GAPVD1: variants seen among roughly 807,000 people sequenced by gnomAD.
The protein encoded by GAPVD1 is GTPase-activating protein and VPS9 domain-containing protein 1.
GAPVD1 carries 35 observed loss-of-function variants against 155.5 expected under a neutral mutation model. The ratio of observed to expected loss-of-function variants is 0.23; its 90% CI spans 0.17 to 0.30. The LOEUF is 0.30. GAPVD1 is among the 10% of genes least tolerant of loss of function. The pLI, the probability that GAPVD1 is intolerant of heterozygous loss-of-function variation, is 1.00. For synonymous variants in GAPVD1, 636 were observed against 619.7 expected (o/e 1.03, Z -0.39); for missense variants, 1,429 against 1,775.7 (o/e 0.80, Z 3.51).
intron 22 of GAPVD1, 84 bp downstream of exon 22, chr9:125,350,488 G>A (rs1849137476): frequency 3.4e-6 from 3 of 895,176 alleles, no homozygotes; most frequent in South Asian, 2.8e-5. Context: ...TGTTGAAGCT[G>A]TACAGCAATT....
rs1166716793 is a variant in GAPVD1, at chr9:125,263,299, ATTAG to A, written c.-199+1343_-199+1346del. 2.0e-4 allele frequency among the ~76,000 whole-genome samples: 31 copies of A among 152,332 alleles called. 1 individual carries two copies. The South Asian group carries it at 4.6e-3, about 22-fold the overall frequency. Reference sequence around the variant, plus strand: ...CCCCATCTCTACTAAAAATACAAAAATTAGTTGGGTGTGGTGGCCCATGCCTGTA... The same window carrying A: ...CCCCATCTCTACTAAAAATACAAAAATTGGGTGTGGTGGCCCATGCCTGTA... On this transcript the variant is annotated intron_variant, in intron 1 of 27. Transcript: ENST00000297933.
At chr9:125,323,725 C>G (rs1308101354) in intron 10 of GAPVD1, 73 bp from the exon 11 acceptor site, 5 of 1,427,950 alleles carry the variant, frequency 3.5e-6, no homozygotes, top group South Asian at 3.5e-5. Flanking sequence ...AGTCTTTTAT[C>G]AAGGCATGAA....
chr9:125,302,099 G>C lies in GAPVD1; in HGVS notation c.302G>C (p.Ser101Thr), dbSNP rs757438895. The C allele has an allele frequency of 6.2e-7, 1 of 1,613,756 alleles. No individual in the cohort carries two copies. Among genetic ancestry groups the C allele is most frequent in the Non-Finnish European group, 8.5e-7 (1 of 1,179,918 alleles). ...GAGACTGCTTATGGAGAATTCTTGAGTCGATTGAGGGAAAATCCTCGTCTT... is the reference window on the plus strand; with the variant it reads ...GAGACTGCTTATGGAGAATTCTTGACTCGATTGAGGGAAAATCCTCGTCTT... ...FQETAYGEFL[S>T]RLRENPRLIA... The change falls in exon 5 of 28, where the codon AGT becomes ACT. Residue 101 changes from serine to threonine, a missense_variant. Ser to Thr is a moderately conservative substitution (Grantham distance 58). Coordinates refer to ENST00000297933, the MANE Select transcript of GAPVD1 (RefSeq NM_001282680.3).
At chr9:125,273,983 T>TTTTA (rs961636493) in intron 2 of GAPVD1, among the ~76,000 whole-genome samples, 2 of 151,396 alleles carry the variant, frequency 1.3e-5, no homozygotes, top group African/African-American at 4.8e-5. Flanking sequence ...TTATTTTTAT[T>TTTTA]TTTATTTATT....
intron 6 of GAPVD1, among the ~76,000 whole-genome samples, chr9:125,305,407 T>C (rs1357273099): frequency 6.9e-6 from 1 of 144,510 alleles, no homozygotes; most frequent in African/African-American, 2.6e-5. Context: ...GGAGTCTCGC[T>C]CCGTCGCCCA....
chr9:125,267,001 G>C (rs1284651912), intron 1 of GAPVD1, among the ~76,000 whole-genome samples: 1 of 152,094 alleles, frequency 6.6e-6, no homozygotes, highest in East Asian at 1.9e-4. Flanking sequence ...TGATCCGCCT[G>C]CCTCGGCCTC....
intron 25 of GAPVD1, 134 bp from the exon 26 acceptor site, chr9:125,359,286 A>ACTGTAATCCATATCTAG (rs563302493): frequency 2.7e-4 from 180 of 673,724 alleles, no homozygotes; most frequent in African/African-American, 2.2e-3. Context: ...CTCAACTCTA[A>ACTGTAATCCATATCTAG]CTGTAATCCA....
intron 2 of GAPVD1, among the ~76,000 whole-genome samples, chr9:125,280,270 C>T (rs975913140): frequency 2.0e-5 from 3 of 150,782 alleles, no homozygotes; most frequent in African/African-American, 7.3e-5. Context: ...GTGGTGCATG[C>T]CTGTAATCCC....
At position 125,285,224 on chromosome 9, in the gene GAPVD1, T is replaced by G. The variant is rs570566441; in HGVS notation, c.-149-10234T>G. On this transcript the variant is annotated intron_variant, in intron 2 of 27. Transcript: ENST00000297933. Reference sequence around the variant, plus strand: ...GAGTATGGCTTCATTCCAATACAACTTTTATTTATACAAACAGGCAGCAGG... The same window carrying G: ...GAGTATGGCTTCATTCCAATACAACGTTTATTTATACAAACAGGCAGCAGG... Among the ~76,000 whole-genome samples, 6 of 152,288 alleles carry G rather than the reference T, an allele frequency of 3.9e-5. No homozygotes were observed. The East Asian group carries it at 1.2e-3, about 29-fold the overall frequency.
At chr9:125,278,889 G>A (rs1836253544) in intron 2 of GAPVD1, among the ~76,000 whole-genome samples, 2 of 151,636 alleles carry the variant, frequency 1.3e-5, no homozygotes, top group South Asian at 4.2e-4. Context: ...TAAAATGCAA[G>A]GGATAACATT....
At chr9:125,291,630 A>G (rs1196201098) in intron 2 of GAPVD1, among the ~76,000 whole-genome samples, 1 of 152,012 alleles carries the variant, frequency 6.6e-6, no homozygotes, top group Non-Finnish European at 1.5e-5. Context: ...AGGGAGGATG[A>G]TAGGTGGTAT....
At chr9:125,340,017 TTTTG>T (rs919549889) in intron 17 of GAPVD1, among the ~76,000 whole-genome samples, 16 of 152,130 alleles carry the variant, frequency 1.1e-4, no homozygotes, top group Non-Finnish European at 2.9e-5. Flanking sequence ...TTGGCCTGTT[TTTTG>T]TTTGTTTGTT....
At chr9:125,334,837 G>A (rs1265348784) in intron 15 of GAPVD1, among the ~76,000 whole-genome samples, 1 of 151,984 alleles carries the variant, frequency 6.6e-6, no homozygotes, top group South Asian at 2.1e-4. Flanking sequence ...GTTTCTTAGA[G>A]AAGCAACTAA....
At chr9:125,316,643 T>C (rs1843466602) in intron 9 of GAPVD1, among the ~76,000 whole-genome samples, 1 of 152,260 alleles carries the variant, frequency 6.6e-6, no homozygotes, top group Non-Finnish European at 1.5e-5. Flanking sequence ...CTATTGTTGA[T>C]GGGCATTTGG....
chr9:125,324,380 C>G (rs904342777), intron 11 of GAPVD1, among the ~76,000 whole-genome samples: 32 of 152,096 alleles, frequency 2.1e-4, no homozygotes, highest in Non-Finnish European at 3.5e-4. Flanking sequence ...CACCTGAGGT[C>G]GGGAGTTCAA....
At chr9:125,298,521 GCT>G (rs1339840985) in intron 3 of GAPVD1, among the ~76,000 whole-genome samples, 1 of 69,514 alleles carries the variant, frequency 1.4e-5, no homozygotes, top group Non-Finnish European at 2.5e-5. Flanking sequence ...AACGATTCTT[GCT>G]CTGTTATCAG....
At chr9:125,266,294 TTTTTATTTTA>T (rs1356905067) in intron 1 of GAPVD1, among the ~76,000 whole-genome samples, 8 of 149,450 alleles carry the variant, frequency 5.4e-5, no homozygotes, top group South Asian at 4.2e-4. Flanking sequence ...GCCCGGCTAA[TTTTTATTTTA>T]TTTTATTTTA....
At chr9:125,353,523 G>A (rs1053259471) in intron 23 of GAPVD1, among the ~76,000 whole-genome samples, 6 of 151,958 alleles carry the variant, frequency 3.9e-5, no homozygotes, top group Non-Finnish European at 8.8e-5. Context: ...CCCCACTCTC[G>A]GTACCAATTT....
At chr9:125,343,194 CTT>C (rs775104266) in intron 19 of GAPVD1, among the ~76,000 whole-genome samples, 42 of 141,844 alleles carry the variant, frequency 3.0e-4, no homozygotes, top group Admixed American at 4.3e-4. Flanking sequence ...TGCAGGAACC[CTT>C]TTTTTTTTTT....
Sources: gnomAD v4.1 joint callset for allele counts (sites outside exome capture counted in the v4.1 genomes callset) on GRCh38, gnomAD v4.1.1 for gene constraint, MANE v1.5 for transcripts, NCBI Gene and HGNC (gene_info 2026-07-23, HGNC 2026-07-21) for gene names.